Variants in CD177 observed in about 807,000 individuals in gnomAD.
The protein encoded by CD177 is CD177 molecule.
CD177 carries 41 observed loss-of-function variants against 38.1 expected under a neutral mutation model. That is an observed-to-expected ratio of 1.07 (90% CI 0.84 to 1.39). CD177 has a LOEUF of 1.39. Among genes scored for constraint, CD177 ranks in the 40% most tolerant of loss-of-function variants. CD177 has a pLI of 0.00. For missense variants in CD177, 619 were observed against 523.8 expected (o/e 1.18, Z -1.77); for synonymous variants, 236 against 216.7 (o/e 1.09, Z -0.78).
Position 43,355,853 on chromosome 19 carries a change from T to C in CD177, c.502+70T>C, listed in dbSNP as rs1049751365. 3 of 1,604,326 alleles carry C rather than the reference T, an allele frequency of 1.9e-6. No individual in the cohort carries two copies. In the African/African-American group the frequency reaches 4.0e-5, roughly 22 times the overall value. On this transcript the variant is annotated intron_variant, in intron 4 of 8. Transcript: ENST00000618265. ...GTCTGGGGACTGAGATCTTAGGCTT[T>C]GGGGAGTGAGGTGAGCTGAGGCACG...
chr19:43,362,051 A>G (rs1969977139), intron 8 of CD177, 37 bp from the exon 9 acceptor site: 1 of 1,581,676 alleles, frequency 6.3e-7, no homozygotes, highest in Admixed American at 1.7e-5. Flanking sequence ...GCTGGGCTGT[A>G]CTCTGTGTCC....
At chr19:43,354,117 G>A in intron 2 of CD177, 90 bp from the exon 3 acceptor site, 1 of 1,560,798 alleles carries the variant, frequency 6.4e-7, no homozygotes, top group Admixed American at 1.8e-5. Flanking sequence ...CCCCTTTCCA[G>A]CCTCTCAGCC....
rs923140327 is a variant in CD177, at chr19:43,356,113, G to C, written c.619+5G>C. ...CTGAGAACTGCGATATGAAAGGTGA[G>C]TCCTGCCCCTAGGCTGTGCCCTGGA... On this transcript the variant is annotated splice_donor_5th_base_variant and intron_variant, in intron 5 of 8. Transcript: ENST00000618265. The C allele has an allele frequency of 8.8e-6, 5 of 568,284 alleles. No individual in the cohort carries two copies. In the African/African-American group the frequency reaches 1.4e-4, roughly 16 times the overall value. The allele number at this position is 568,284 out of a possible 1,614,324, so 35.2% of individuals were successfully genotyped here.
At position 43,362,519 on chromosome 19, in the gene CD177, G is replaced by C. The variant is rs564080257; in HGVS notation, c.*199G>C. ...TGGAGCATCCGGACTTGCCCTATGGGAGAGGGGACGCTGGAGGAGTGGCTG... is the reference window on the plus strand; with the variant it reads ...TGGAGCATCCGGACTTGCCCTATGGCAGAGGGGACGCTGGAGGAGTGGCTG... On this transcript the variant is annotated 3_prime_UTR_variant, in exon 9 of 9. Coordinates refer to ENST00000618265, the MANE Select transcript of CD177 (RefSeq NM_020406.4). 1.4e-4 allele frequency: 68 copies of C among 481,168 alleles called. No homozygotes were observed. Among genetic ancestry groups the C allele is most frequent in the Non-Finnish European group, 2.3e-4 (62 of 271,638 alleles). The allele number at this position is 481,168 out of a possible 1,614,324, so 29.8% of individuals were successfully genotyped here.
rs182368720 is a variant in CD177, at chr19:43,360,274, C to T, written c.629C>T (p.Thr210Ile). The T allele has an allele frequency of 4.2e-3, 6,740 of 1,613,154 alleles. 22 individuals are homozygous for T. The highest frequency in any genetic ancestry group is 9.6e-3 in the Middle Eastern group (58 of 6,060). The change falls in exon 6 of 9, where the codon ACC becomes ATC. Residue 210 changes from threonine to isoleucine, a missense_variant. Thr to Ile is a moderately conservative substitution (Grantham distance 89). Transcript: ENST00000618265. ...GGATTCCTCTCCCCAGATTTTCTGA[C>T]CTGTCATCGGGGGACCACCATTATG... The part of the protein sequence containing the change: ...TENCDMKDFL[T>I]CHRGTTIMTH...
At position 43,360,359 on chromosome 19, in the gene CD177, C is replaced by T. The variant is rs766571128; in HGVS notation, c.714C>T (p.Cys238=). 1.7e-5 allele frequency: 27 copies of T among 1,609,906 alleles called. No homozygotes were observed. The highest frequency in any genetic ancestry group is 1.3e-4 in the East Asian group (6 of 44,780). ...GGACCACATCGAATACCGAGATGTGCGAGGTGGGGCAGGTGTGTCAGGAGA... is the reference window on the plus strand; with the variant it reads ...GGACCACATCGAATACCGAGATGTGTGAGGTGGGGCAGGTGTGTCAGGAGA... ...TDWTTSNTEM[C]EVGQVCQETL... is the part of the protein sequence containing the mutation. The change falls in exon 6 of 9, where the codon TGC becomes TGT. Residue 238 remains cysteine, a synonymous_variant. Coordinates refer to ENST00000618265, the MANE Select transcript of CD177 (RefSeq NM_020406.4).
At chr19:43,360,083 A>T (rs1218046478) in intron 5 of CD177, among the ~76,000 whole-genome samples, 182 bp from the exon 6 acceptor site, 1 of 151,872 alleles carries the variant, frequency 6.6e-6, no homozygotes, top group Middle Eastern at 3.2e-3. Context: ...AAGCAGAAAC[A>T]GGGAACAATG....
intron 2 of CD177, 32 bp from the exon 3 acceptor site, chr19:43,354,175 C>G: frequency 6.3e-7 from 1 of 1,598,722 alleles, no homozygotes; most frequent in Non-Finnish European, 8.5e-7. Context: ...GGCCTGACCT[C>G]CATCCTCGCT....
In CD177 at chr19:43,362,179, T is replaced by C. The variant is rs1341737699; in HGVS notation, c.1173T>C (p.Ser391=). 6 of 1,613,270 alleles carry C rather than the reference T, an allele frequency of 3.7e-6. No homozygotes were observed. Among genetic ancestry groups the C allele is most frequent in the Non-Finnish European group, 4.2e-6 (5 of 1,179,634 alleles). ...ACACCAGACAAATCGGGATCTTCTCTGCGCGTGAGAAGCGTGATGTGCAGC... is the reference window on the plus strand; with the variant it reads ...ACACCAGACAAATCGGGATCTTCTCCGCGCGTGAGAAGCGTGATGTGCAGC... ...LNHTRQIGIF[S]AREKRDVQPP... is the part of the protein sequence containing the mutation. Residue 391 remains serine (S), a synonymous_variant, in exon 9 of 9, where the codon TCT becomes TCC. Coordinates refer to ENST00000618265, the MANE Select transcript of CD177 (RefSeq NM_020406.4).
chr19:43,363,601 G>A (rs1950142232), downstream of CD177, among the ~76,000 whole-genome samples: 2 of 152,108 alleles, frequency 1.3e-5, no homozygotes, highest in Non-Finnish European at 2.9e-5. Context: ...CCCATTGACT[G>A]AACCCCCTAG....
At position 43,362,184 on chromosome 19, in the gene CD177, G is replaced by C. The variant is rs780740088; in HGVS notation, c.1178G>C (p.Arg393Pro). 3 of 1,613,478 alleles carry C rather than the reference G, an allele frequency of 1.9e-6. No individual in the cohort carries two copies. The highest frequency in any genetic ancestry group is 1.7e-6 in the Non-Finnish European group (2 of 1,179,612). The change falls in exon 9 of 9, where the codon CGT becomes CCT. Residue 393 changes from arginine (R) to proline (P), a missense_variant. Arg to Pro is a moderately radical substitution (Grantham distance 103, BLOSUM62 -2). Transcript: ENST00000618265. Reference protein sequence around the residue: ...HTRQIGIFSAREKRDVQPPAS... With the variant: ...HTRQIGIFSAPEKRDVQPPAS... ...AGACAAATCGGGATCTTCTCTGCGCGTGAGAAGCGTGATGTGCAGCCTCCT... is the reference window on the plus strand; with the variant it reads ...AGACAAATCGGGATCTTCTCTGCGCCTGAGAAGCGTGATGTGCAGCCTCCT...
chr19:43,354,071 C>T (rs1470444751), intron 2 of CD177, 78 bp downstream of exon 2: 16 of 1,574,728 alleles, frequency 1.0e-5, no homozygotes, highest in Middle Eastern at 2.3e-4. Flanking sequence ...CCGGGAGCCA[C>T]CCCTCCGGGG....
chr19:43,362,224 G>C lies in CD177; in HGVS notation c.1218G>C (p.Glu406Asp). ...TGCAGCCTCCTGCCTCTCAGCATGA[G>C]GGAGGTGGGGCTGAGGGCCTGGAGT... is the stretch of plus-strand genomic sequence containing the variant. ...RDVQPPASQH[E>D]GGGAEGLESL... The change falls in exon 9 of 9, where the codon GAG (glutamate) becomes GAC (aspartate). Residue 406 changes from glutamate to aspartate, a missense_variant. Physicochemically the swap from Glu to Asp is conservative, Grantham distance 45. Transcript: ENST00000618265. 6.2e-7 allele frequency: 1 copy of C among 1,612,862 alleles called. No individual in the cohort carries two copies. Among genetic ancestry groups the C allele is most frequent in the Non-Finnish European group, 8.5e-7 (1 of 1,178,908 alleles).
chr19:43,354,955 C>T (rs1417177419), intron 3 of CD177, among the ~76,000 whole-genome samples: 2 of 151,706 alleles, frequency 1.3e-5, no homozygotes, highest in Non-Finnish European at 2.9e-5. Context: ...AATGAGTCTG[C>T]TTCTGTGTCT....
chr19:43,360,622 C>G, intron 6 of CD177: 1 of 557,984 alleles, frequency 1.8e-6, no homozygotes, highest in Non-Finnish European at 3.2e-6. Context: ...GAGGGGTGAC[C>G]ACGTATGCGG....
At chr19:43,362,008 G>T in intron 8 of CD177, 80 bp from the exon 9 acceptor site, 1 of 1,234,772 alleles carries the variant, frequency 8.1e-7, no homozygotes, top group Non-Finnish European at 1.2e-6. Flanking sequence ...AGGGAGGAGG[G>T]TCTGGGGCCT....
rs775657244 is a variant in CD177, at chr19:43,362,199, T to C, written c.1193T>C (p.Val398Ala). Residue 398 changes from valine to alanine, a missense_variant, in exon 9 of 9, where the codon GTG becomes GCG. By Grantham distance (64) the Val-to-Ala change is moderately conservative. Coordinates refer to ENST00000618265, the MANE Select transcript of CD177 (RefSeq NM_020406.4). Reference protein sequence around the residue: ...GIFSAREKRDVQPPASQHEGG... With the variant: ...GIFSAREKRDAQPPASQHEGG... ...TTCTCTGCGCGTGAGAAGCGTGATG[T>C]GCAGCCTCCTGCCTCTCAGCATGAG... The C allele has an allele frequency of 1.2e-6, 2 of 1,613,376 alleles. No individual in the cohort carries two copies. Among genetic ancestry groups the C allele is most frequent in the Non-Finnish European group, 1.7e-6 (2 of 1,179,496 alleles).
rs1309241831 is a variant in CD177 at position 43,362,258 on chromosome 19, T to A, written c.1252T>A (p.Trp418Arg). The change falls in exon 9 of 9, where the codon TGG becomes AGG. Residue 418 changes from tryptophan to arginine, a missense_variant. Transcript: ENST00000618265. ...GGCTGAGGGCCTGGAGTCTCTCACT[T>A]GGGGGGTGGGGCTGGCACTGGCCCC... Reference protein sequence around the residue: ...GGAEGLESLTWGVGLALAPAL... With the variant: ...GGAEGLESLTRGVGLALAPAL... 6.2e-7 allele frequency: 1 copy of A among 1,608,096 alleles called. No homozygotes were observed. The highest frequency in any genetic ancestry group is 1.3e-5 in the African/African-American group (1 of 74,752).
downstream of CD177, among the ~76,000 whole-genome samples, chr19:43,366,037 G>A (rs374224220): frequency 1.3e-3 from 198 of 152,282 alleles, no homozygotes; most frequent in African/African-American, 4.7e-3. Flanking sequence ...CCTGCAGGAG[G>A]AGGCGCGGAA....
Sources: allele counts gnomAD v4.1 joint callset (sites outside exome capture counted in the v4.1 genomes callset), GRCh38; gene constraint gnomAD v4.1.1; transcripts MANE v1.5; gene names NCBI Gene and HGNC (gene_info 2026-07-23, HGNC 2026-07-21).